Variants in TMEM132C observed in about 807,000 individuals in gnomAD.
TMEM132C encodes transmembrane protein 132C, also known as protein phosphatase 1, regulatory subunit 152.
TMEM132C carries 29 observed loss-of-function variants against 61.4 expected under a neutral mutation model. The ratio of observed to expected loss-of-function variants is 0.47; its 90% CI spans 0.35 to 0.64. The LOEUF (loss-of-function observed/expected upper bound fraction) is 0.64. Ranked by LOEUF, TMEM132C falls within the 30% of genes least tolerant of loss-of-function variation. The pLI is 0.00. For synonymous variants in TMEM132C, 656 were observed against 633.1 expected, an observed-to-expected ratio of 1.04 and a Z score of -0.54; for missense variants, 1,408 against 1,476.9, an observed-to-expected ratio of 0.95 and a Z score of 0.76.
At chr12:128,588,590 T>TC (rs971002544) in intron 3 of TMEM132C, among the ~76,000 whole-genome samples, 3 of 151,902 alleles carry the variant, frequency 2.0e-5, no homozygotes, top group African/African-American at 4.8e-5. Flanking sequence ...AGTGTTTGTG[T>TC]CCCCCCCACT....
chr12:128,644,177 GT>G (rs1248521818), intron 4 of TMEM132C, among the ~76,000 whole-genome samples: 3 of 152,210 alleles, frequency 2.0e-5, no homozygotes, highest in Admixed American at 6.5e-5. Context: ...ACAAAGAGTT[GT>G]TGGAAAACAA....
chr12:128,658,292 G>A (rs772658620), intron 4 of TMEM132C, among the ~76,000 whole-genome samples: 16 of 152,212 alleles, frequency 1.1e-4, no homozygotes, highest in African/African-American at 1.7e-4. Flanking sequence ...ATGAAGCCAC[G>A]ATGGTCGCTG....
At chr12:128,342,065 G>A (rs2135955197) in intron 1 of TMEM132C, among the ~76,000 whole-genome samples, 1 of 151,496 alleles carries the variant, frequency 6.6e-6, no homozygotes, top group South Asian at 2.1e-4. Flanking sequence ...CTGGAGTGCA[G>A]TGGCATGATC....
chr12:128,480,780 C>T (rs115644189), intron 2 of TMEM132C, among the ~76,000 whole-genome samples: 2,179 of 152,298 alleles, frequency 0.014, 37 homozygotes, highest in African/African-American at 0.045. Context: ...ACACAGAGCA[C>T]TGGAGGGGAA....
intron 2 of TMEM132C, among the ~76,000 whole-genome samples, chr12:128,443,141 TGA>T (rs375633151): frequency 5.6e-4 from 83 of 148,230 alleles, no homozygotes; most frequent in Middle Eastern, 3.5e-3. Flanking sequence ...ATATATATAT[TGA>T]GAGAGAGAGA....
intron 2 of TMEM132C, among the ~76,000 whole-genome samples, chr12:128,446,897 T>C (rs1339012787): frequency 6.6e-6 from 1 of 152,188 alleles, no homozygotes; most frequent in African/African-American, 2.4e-5. Flanking sequence ...CATAAATGAA[T>C]ACAGAGCCTG....
intron 2 of TMEM132C, among the ~76,000 whole-genome samples, chr12:128,520,143 A>G (rs899676725): frequency 2.0e-5 from 3 of 152,166 alleles, no homozygotes; most frequent in African/African-American, 4.8e-5. Context: ...TCCCCCAGAC[A>G]CCCTTTCCCC....
intron 6 of TMEM132C, among the ~76,000 whole-genome samples, chr12:128,694,270 T>C (rs1954740667): frequency 6.6e-6 from 1 of 152,162 alleles, no homozygotes; most frequent in Admixed American, 6.5e-5. Flanking sequence ...TGAAAGTGGC[T>C]CTCCCAAAAT....
intron 1 of TMEM132C, among the ~76,000 whole-genome samples, chr12:128,287,507 CTATATCTATATCTA>C (rs1871112167): frequency 6.6e-6 from 1 of 151,878 alleles, no homozygotes; most frequent in Non-Finnish European, 1.5e-5. Context: ...ATATCTATAT[CTATATCTATATCTA>C]TATCTATCTG....
At chr12:128,388,337 T>A (rs989263279) in intron 1 of TMEM132C, among the ~76,000 whole-genome samples, 1 of 152,270 alleles carries the variant, frequency 6.6e-6, no homozygotes, top group African/African-American at 2.4e-5. Flanking sequence ...AGCCTGCTGT[T>A]GCCCCAAATC....
intron 1 of TMEM132C, among the ~76,000 whole-genome samples, chr12:128,271,294 A>C (rs1025946447): frequency 6.7e-6 from 1 of 148,226 alleles, no homozygotes; most frequent in African/African-American, 2.5e-5. Context: ...TAATAATAAT[A>C]ATAATAATAA....
intron 1 of TMEM132C, among the ~76,000 whole-genome samples, chr12:128,311,474 G>T (rs1871961153): frequency 6.6e-6 from 1 of 152,192 alleles, no homozygotes; most frequent in South Asian, 2.1e-4. Context: ...TTGTTGGGAG[G>T]GGACCCGCTT....
chr12:128,279,753 T>G (rs1479488095), intron 1 of TMEM132C, among the ~76,000 whole-genome samples: 1 of 152,244 alleles, frequency 6.6e-6, no homozygotes, highest in East Asian at 1.9e-4. Context: ...TCTGTTGTTC[T>G]CCATTCCTGC....
chr12:128,358,042 T>A (rs997847429), intron 1 of TMEM132C, among the ~76,000 whole-genome samples: 2 of 152,100 alleles, frequency 1.3e-5, no homozygotes, highest in Non-Finnish European at 2.9e-5. Context: ...CATCCCTGCA[T>A]TGAGTCATTC....
At chr12:128,500,981 A>G (rs752833897) in intron 2 of TMEM132C, among the ~76,000 whole-genome samples, 3 of 152,250 alleles carry the variant, frequency 2.0e-5, no homozygotes, top group Non-Finnish European at 2.9e-5. Context: ...TGGAATAGCC[A>G]TACTATGGAC....
intron 8 of TMEM132C, among the ~76,000 whole-genome samples, chr12:128,702,310 C>G (rs962780182): frequency 2.7e-5 from 4 of 150,688 alleles, no homozygotes; most frequent in South Asian, 2.1e-4. Flanking sequence ...TTTGTTGGTT[C>G]GTTTTATGTT....
At chr12:128,435,993 C>T (rs1166402993) in intron 2 of TMEM132C, among the ~76,000 whole-genome samples, 23 of 152,056 alleles carry the variant, frequency 1.5e-4, no homozygotes, top group Admixed American at 1.1e-3. Context: ...GAAATAACAC[C>T]GCACATCTAA....
chr12:128,343,650 C>G (rs933739626), intron 1 of TMEM132C, among the ~76,000 whole-genome samples: 2 of 152,034 alleles, frequency 1.3e-5, no homozygotes, highest in African/African-American at 2.4e-5. Flanking sequence ...AGTCTACGAG[C>G]CAATGACATT....
At chr12:128,419,813 G>A (rs990693744) in intron 2 of TMEM132C, among the ~76,000 whole-genome samples, 4 of 152,074 alleles carry the variant, frequency 2.6e-5, no homozygotes, top group Non-Finnish European at 4.4e-5. Context: ...CTGCCCATTT[G>A]CCAGGCATTG....
Sources: gnomAD v4.1 joint callset for allele counts (sites outside exome capture counted in the v4.1 genomes callset) on GRCh38, gnomAD v4.1.1 for gene constraint, MANE v1.5 for transcripts, NCBI Gene and HGNC (gene_info 2026-07-23, HGNC 2026-07-21) for gene names.